ABCC11: variants seen among roughly 807,000 people sequenced by gnomAD.
ABCC11 encodes the protein ATP-binding cassette sub-family C member 11.
In ABCC11, 135 loss-of-function variants were observed where a neutral mutation model predicts 149.3. The ratio of observed to expected loss-of-function variants is 0.90; its 90% CI spans 0.79 to 1.04. The LOEUF (loss-of-function observed/expected upper bound fraction) is 1.04. Among genes scored for constraint, ABCC11 ranks in the 50% least tolerant of loss-of-function variants. The probability of loss-of-function intolerance (pLI) is 0.00; values close to 1 mark genes in which losing one functional copy is unlikely to be tolerated. For synonymous variants in ABCC11, 665 were observed against 671.4 expected (o/e 0.99, Z 0.15); for missense variants, 1,680 against 1,722.1 (o/e 0.98, Z 0.43).
At chr16:48,189,035 C>G (rs1401170860) in intron 20 of ABCC11, among the ~76,000 whole-genome samples, 1 of 152,224 alleles carries the variant, frequency 6.6e-6, no homozygotes, top group Non-Finnish European at 1.5e-5. Context: ...TGCTTTCTAG[C>G]TGGTGGGGTA....
chr16:48,193,837 C>G (rs1012667514), intron 19 of ABCC11, 42 bp downstream of exon 19: 12 of 1,539,344 alleles, frequency 7.8e-6, no homozygotes, highest in African/African-American at 1.4e-5. Context: ...CCACCTCACT[C>G]AAGCCCATAG....
chr16:48,199,075 A>G (rs891385640), intron 15 of ABCC11, among the ~76,000 whole-genome samples: 10 of 151,354 alleles, frequency 6.6e-5, no homozygotes, highest in African/African-American at 2.4e-4. Flanking sequence ...TAAAGTTACA[A>G]GTATCAACAT....
chr16:48,187,655 AG>A (rs1966829384), intron 20 of ABCC11, among the ~76,000 whole-genome samples: 1 of 152,168 alleles, frequency 6.6e-6, no homozygotes, highest in Non-Finnish European at 1.5e-5. Flanking sequence ...CTGAGTCTCA[AG>A]GTCCTCGTTA....
At chr16:48,175,122 A>T in intron 26 of ABCC11, 136 bp downstream of exon 26, 1 of 1,106,584 alleles carries the variant, frequency 9.0e-7, no homozygotes, top group Non-Finnish European at 1.3e-6. Flanking sequence ...TAAGCCAGGT[A>T]GGCATGAGTG....
At position 48,218,297 on chromosome 16, in the gene ABCC11, G is replaced by C. The variant is rs377400347; in HGVS notation, c.778-2010C>G. 3.4e-4 allele frequency among the ~76,000 whole-genome samples: 52 copies of C among 152,154 alleles called. 1 individual carries two copies. Among genetic ancestry groups the C allele is most frequent in the African/African-American group, 1.1e-3 (45 of 41,532 alleles). On this transcript the variant is annotated intron_variant, in intron 6 of 29. Coordinates refer to ENST00000356608, the MANE Select transcript of ABCC11 (RefSeq NM_001370497.1). The stretch of plus-strand genomic sequence containing the variant: ...GGTGATAGAGTGAGAACCTGTCTCA[G>C]ACAACAACAAAGTCACCCCAGAAGT...
Position 48,193,929 on chromosome 16 carries a change from T to A in ABCC11, c.2458A>T (p.Thr820Ser). The A allele has an allele frequency of 6.2e-7, 1 of 1,614,002 alleles. No individual in the cohort carries two copies. Among genetic ancestry groups the A allele is most frequent in the Non-Finnish European group, 8.5e-7 (1 of 1,179,920 alleles). ...FFFVVLIVFLTIFSFWWLSYW... is the reference protein window; with the variant it reads ...FFFVVLIVFLSIFSFWWLSYW... ...CTCAGCCACCAGAAGCTGAAGATCG[T>A]TAAGAAGACGATCAGCACCACGAAG... is the stretch of plus-strand genomic sequence containing the variant. Residue 820 changes from threonine to serine, a missense_variant, in exon 19 of 30, where the codon ACG becomes TCG. Transcript: ENST00000356608.
chr16:48,214,864 G>A lies in ABCC11; in HGVS notation c.1248+17C>T, dbSNP rs775331109. The stretch of plus-strand genomic sequence containing the variant: ...CCAATCATGATGGGGAGAAAACAAA[G>A]CCCCCCAAACCCTTACCATTGACGC... On this transcript the variant is annotated intron_variant, in intron 9 of 29. Transcript: ENST00000356608. 2 of 1,612,298 alleles carry A rather than the reference G, an allele frequency of 1.2e-6. No individual in the cohort carries two copies. Among genetic ancestry groups the A allele is most frequent in the Non-Finnish European group, 1.7e-6 (2 of 1,179,432 alleles).
intron 14 of ABCC11, 110 bp from the exon 15 acceptor site, chr16:48,200,589 A>G: frequency 9.3e-7 from 1 of 1,071,010 alleles, no homozygotes. Context: ...AGACCAAGAT[A>G]TGCACACACT....
chr16:48,232,945 A>G (rs1210179194), intron 1 of ABCC11, among the ~76,000 whole-genome samples: 2 of 152,196 alleles, frequency 1.3e-5, no homozygotes, highest in Non-Finnish European at 2.9e-5. Flanking sequence ...TGCACCTGTA[A>G]TTCTAGCACT....
At chr16:48,235,814 C>T (rs1383823176) in intron 1 of ABCC11, among the ~76,000 whole-genome samples, 1 of 152,150 alleles carries the variant, frequency 6.6e-6, no homozygotes. Context: ...TTTCCCAATC[C>T]CCAGAGGCAA....
chr16:48,202,299 T>A (rs1968054932), intron 14 of ABCC11, among the ~76,000 whole-genome samples: 2 of 152,118 alleles, frequency 1.3e-5, no homozygotes, highest in South Asian at 4.2e-4. Flanking sequence ...ATCAAGGATT[T>A]ATAGTCCCAG....
chr16:48,241,534 G>T (rs2150941538), intron 1 of ABCC11, among the ~76,000 whole-genome samples: 1 of 152,192 alleles, frequency 6.6e-6, no homozygotes, highest in East Asian at 1.9e-4. Context: ...CACAGAATTG[G>T]AAAAAACTAC....
intron 20 of ABCC11, among the ~76,000 whole-genome samples, chr16:48,188,528 G>T (rs1229564825): frequency 1.3e-5 from 2 of 152,200 alleles, no homozygotes; most frequent in Non-Finnish European, 2.9e-5. Context: ...CCTGCAAGTT[G>T]ATCTCTAACA....
intron 20 of ABCC11, 89 bp from the exon 21 acceptor site, chr16:48,187,516 A>G: frequency 1.8e-6 from 2 of 1,138,866 alleles, no homozygotes; most frequent in Non-Finnish European, 2.5e-6. Flanking sequence ...TTGACTCTAA[A>G]GAGCCACGGA....
intron 28 of ABCC11, among the ~76,000 whole-genome samples, chr16:48,168,545 T>C (rs1189657855): frequency 6.6e-6 from 1 of 152,186 alleles, no homozygotes; most frequent in Non-Finnish European, 1.5e-5. Context: ...TGCATATGCA[T>C]GCATAAGTAT....
Position 48,165,939 on chromosome 16 carries a change from G to A in ABCC11, c.*1335C>T, listed in dbSNP as rs1364969785. ...ATTTGTCTGTAACCACATGTGGAGG[G>A]TGGGGGAGTGAGAACAAGAAAGAGA... On this transcript the variant is annotated 3_prime_UTR_variant, in exon 30 of 30. Coordinates refer to ENST00000356608, the MANE Select transcript of ABCC11 (RefSeq NM_001370497.1). The A allele has an allele frequency of 6.6e-6, 1 of 152,202 alleles. No homozygotes were observed. Among genetic ancestry groups the A allele is most frequent in the African/African-American group, 2.4e-5 (1 of 41,432 alleles). 9.4% of individuals were successfully genotyped at this position (152,202 alleles called of 1,614,324 possible).
At chr16:48,234,814 T>C (rs1970607993) in intron 1 of ABCC11, among the ~76,000 whole-genome samples, 1 of 152,112 alleles carries the variant, frequency 6.6e-6, no homozygotes, top group Non-Finnish European at 1.5e-5. Flanking sequence ...AAAGGATTAC[T>C]GTGCAAGCCA....
intron 13 of ABCC11, among the ~76,000 whole-genome samples, chr16:48,203,876 A>AAGC (rs1968212897): frequency 6.6e-6 from 1 of 152,238 alleles, no homozygotes; most frequent in Non-Finnish European, 1.5e-5. Flanking sequence ...TCTCAAAAAA[A>AAGC]AGCAGCCACT....
At chr16:48,175,506 C>A in intron 25 of ABCC11, 89 bp from the exon 26 acceptor site, 2 of 1,437,204 alleles carry the variant, frequency 1.4e-6, no homozygotes, top group Non-Finnish European at 1.9e-6. Context: ...ACCTGACCCG[C>A]TGCCCTCCGT....
Sources: allele counts gnomAD v4.1 joint callset (sites outside exome capture counted in the v4.1 genomes callset), GRCh38; gene constraint gnomAD v4.1.1; transcripts MANE v1.5; gene names NCBI Gene and HGNC (gene_info 2026-07-23, HGNC 2026-07-21).